The following GALNT13 variants were observed in gnomAD, a reference collection of about 807,000 sequenced individuals.
GALNT13 encodes UDP-GalNAc:polypeptide N-acetylgalactosaminyltransferase 13.
GALNT13 carries 28 observed loss-of-function variants against 64.2 expected under a neutral mutation model. The ratio of observed to expected loss-of-function variants is 0.44; its 90% CI spans 0.32 to 0.60. The LOEUF is 0.60. GALNT13 is among the 20% of genes least tolerant of loss of function. The probability of loss-of-function intolerance (pLI) is 0.05; values close to 1 mark genes in which losing one functional copy is unlikely to be tolerated. For synonymous variants in GALNT13, 214 were observed against 224.6 expected (o/e 0.95, Z 0.42); for missense variants, 577 against 669.8 (o/e 0.86, Z 1.53).
At chr2:154,127,806 A>G (rs1336193720) in intron 3 of GALNT13, among the ~76,000 whole-genome samples, 3 of 151,104 alleles carry the variant, frequency 2.0e-5, no homozygotes, top group African/African-American at 7.3e-5. Context: ...AGATTTGCAT[A>G]TATTTCTGCA....
chr2:153,087,514 G>T, the GALNT13 span, among the ~76,000 whole-genome samples: 7 of 152,026 alleles, frequency 4.6e-5, no homozygotes, highest in Admixed American at 4.6e-4. Flanking sequence ...GGGACAATTT[G>T]TTCTCTGTCT....
At chr2:153,078,248 C>T in the GALNT13 span, among the ~76,000 whole-genome samples, 5 of 149,934 alleles carry the variant, frequency 3.3e-5, no homozygotes, top group Non-Finnish European at 3.0e-5. Flanking sequence ...TTTCTATCAA[C>T]TTTGGGATTT....
At chr2:153,522,823 A>G in the GALNT13 span, among the ~76,000 whole-genome samples, 1 of 152,104 alleles carries the variant, frequency 6.6e-6, no homozygotes, top group Non-Finnish European at 1.5e-5. Flanking sequence ...TTCTCTTCAT[A>G]GTGTCTTTTG....
chr2:154,147,478 T>A (rs1161894017), intron 4 of GALNT13, among the ~76,000 whole-genome samples: 1 of 151,318 alleles, frequency 6.6e-6, no homozygotes, highest in African/African-American at 2.4e-5. Flanking sequence ...TACAGGAAGG[T>A]GTATTTGGAA....
chr2:153,326,480 T>C, the GALNT13 span, among the ~76,000 whole-genome samples: 1 of 152,184 alleles, frequency 6.6e-6, no homozygotes, highest in African/African-American at 2.4e-5. Context: ...ATTTAGCCCA[T>C]TTACATTTGA....
the GALNT13 span, among the ~76,000 whole-genome samples, chr2:153,813,509 G>A: frequency 1.4e-5 from 2 of 144,578 alleles, no homozygotes; most frequent in African/African-American, 2.5e-5. Context: ...GAGGGTGGGA[G>A]GAAGACATAC....
chr2:153,950,136 A>T (rs1163289853), intron 3 of GALNT13, among the ~76,000 whole-genome samples: 1 of 152,032 alleles, frequency 6.6e-6, no homozygotes, highest in African/African-American at 2.4e-5. Flanking sequence ...CTTAAAGAAG[A>T]TAAAAAGAGA....
At chr2:153,571,381 T>G in the GALNT13 span, among the ~76,000 whole-genome samples, 1 of 152,042 alleles carries the variant, frequency 6.6e-6, no homozygotes, top group African/African-American at 2.4e-5. Flanking sequence ...TTTCCAAATA[T>G]AAGATCATAT....
intron 10 of GALNT13, among the ~76,000 whole-genome samples, chr2:154,398,096 A>G (rs1177064811): frequency 3.3e-5 from 5 of 152,208 alleles, no homozygotes; most frequent in Non-Finnish European, 5.9e-5. Context: ...TAAAATATTT[A>G]ATACCCTTAT....
chr2:153,210,155 C>T, the GALNT13 span, among the ~76,000 whole-genome samples: 5 of 152,058 alleles, frequency 3.3e-5, no homozygotes, highest in Non-Finnish European at 5.9e-5. Flanking sequence ...CCTCTTAAGT[C>T]TGTATGCCTT....
intron 4 of GALNT13, among the ~76,000 whole-genome samples, chr2:154,192,432 G>C (rs896683099): frequency 1.3e-5 from 2 of 152,098 alleles, no homozygotes; most frequent in African/African-American, 4.8e-5. Flanking sequence ...GCTCTTCCCT[G>C]CCCCACTCCT....
chr2:153,094,211 C>T, the GALNT13 span, among the ~76,000 whole-genome samples: 23 of 151,260 alleles, frequency 1.5e-4, no homozygotes, highest in Non-Finnish European at 3.1e-4. Context: ...TTTTTTCATT[C>T]CTTAAGATGC....
At chr2:153,878,168 A>G (rs1686521509) in intron 1 of GALNT13, among the ~76,000 whole-genome samples, 1 of 152,246 alleles carries the variant, frequency 6.6e-6, no homozygotes. Context: ...AATTTTATAA[A>G]AGTGGATATT....
At chr2:153,589,074 C>T in the GALNT13 span, among the ~76,000 whole-genome samples, 1 of 152,112 alleles carries the variant, frequency 6.6e-6, no homozygotes. Flanking sequence ...ATCGATTGAA[C>T]TCGGGAGCTG....
intron 10 of GALNT13, among the ~76,000 whole-genome samples, chr2:154,396,927 T>C (rs1699081038): frequency 1.3e-5 from 2 of 150,170 alleles, no homozygotes; most frequent in Non-Finnish European, 1.5e-5. Flanking sequence ...TAATATATAA[T>C]ATATTCATAC....
At chr2:153,860,878 G>C in the GALNT13 span, among the ~76,000 whole-genome samples, 125,047 of 152,148 alleles carry the variant, frequency 0.82, 52,620 homozygotes, top group Non-Finnish European at 0.9. Flanking sequence ...CAAATGATAG[G>C]AGTAGTAATT....
At chr2:153,090,341 G>C in the GALNT13 span, among the ~76,000 whole-genome samples, 1 of 152,202 alleles carries the variant, frequency 6.6e-6, no homozygotes, top group Non-Finnish European at 1.5e-5. Context: ...ATCTGCTCTG[G>C]TGGAGGTGGC....
chr2:153,643,866 A>G, the GALNT13 span, among the ~76,000 whole-genome samples: 1 of 152,004 alleles, frequency 6.6e-6, no homozygotes, highest in African/African-American at 2.4e-5. Flanking sequence ...ACTTTTTGAT[A>G]AAAAAGAGTC....
At chr2:153,424,841 G>A in the GALNT13 span, among the ~76,000 whole-genome samples, 1 of 151,822 alleles carries the variant, frequency 6.6e-6, no homozygotes, top group Non-Finnish European at 1.5e-5. Context: ...CATGGAAATA[G>A]CCTAAGAGTT....
Sources: allele counts gnomAD v4.1 joint callset (sites outside exome capture counted in the v4.1 genomes callset), GRCh38; gene constraint gnomAD v4.1.1; transcripts MANE v1.5; gene names NCBI Gene and HGNC (gene_info 2026-07-23, HGNC 2026-07-21).